NOL4L: variants seen among roughly 807,000 people sequenced by gnomAD.
NOL4L encodes the protein nucleolar protein 4 like.
NOL4L carries 7 observed loss-of-function variants against 64.5 expected under a neutral mutation model. The observed-to-expected ratio is 0.11, with a 90% CI of 0.06 to 0.20. The LOEUF is 0.20. Ranked by LOEUF, NOL4L falls within the 10% of genes least tolerant of loss-of-function variation. NOL4L has a pLI of 1.00. For synonymous variants in NOL4L, 413 were observed against 401.0 expected (o/e 1.03, Z -0.36); for missense variants, 680 against 967.1 (o/e 0.70, Z 3.94).
chr20:32,512,822 A>G (rs2017469622), intron 3 of NOL4L, among the ~76,000 whole-genome samples: 1 of 152,128 alleles, frequency 6.6e-6, no homozygotes, highest in Admixed American at 6.5e-5. Flanking sequence ...TTCTCTAACG[A>G]TTGGCTATTT....
chr20:32,552,137 C>CA (rs893671317), intron 1 of NOL4L, among the ~76,000 whole-genome samples: 8 of 151,658 alleles, frequency 5.3e-5, no homozygotes, highest in East Asian at 1.9e-4. Flanking sequence ...AATTATATCT[C>CA]AAAAAAATGC....
intron 4 of NOL4L, among the ~76,000 whole-genome samples, chr20:32,508,719 T>C (rs2017243317): frequency 6.6e-6 from 1 of 152,178 alleles, no homozygotes; most frequent in Non-Finnish European, 1.5e-5. Context: ...CCAGCTGGAC[T>C]CCCAGAACAC....
At position 32,454,690 on chromosome 20, in the gene NOL4L, A is replaced by C. The variant is rs145063606; in HGVS notation, c.1120-929T>G. ...AAGTTTGTGCCTTCGATGTGTCCTA[A>C]GTACTCGTTCAGATCGTGACTGACA... On this transcript the variant is annotated intron_variant, in intron 6 of 10. Transcript: ENST00000621426. Among the ~76,000 whole-genome samples, 1,443 of 152,326 alleles carry C rather than the reference A, an allele frequency of 9.5e-3. 29 individuals are homozygous for C. Among genetic ancestry groups the C allele is most frequent in the African/African-American group, 0.033 (1,380 of 41,570 alleles).
rs543768294 is a variant in NOL4L, at chr20:32,490,144, A to AAAACAC, written c.700-15403_700-15402insGTGTTT. Among the ~76,000 whole-genome samples the AAAACAC allele has an allele frequency of 1.8e-4, 22 of 122,184 alleles. 3 individuals are homozygous for AAAACAC. The East Asian group carries it at 6.5e-3, about 36-fold the overall frequency. The allele number at this position is 122,184 out of a possible 152,430, so 80.2% of individuals were successfully genotyped here. On this transcript the variant is annotated intron_variant, in intron 4 of 10. Coordinates refer to ENST00000621426, the MANE Select transcript of NOL4L (RefSeq NM_001256798.2). The stretch of plus-strand genomic sequence containing the variant: ...ACTCCATCTCAAAAAAAAAAAAAAA[A>AAAACAC]ATATATATACACATATATATATGTA...
At chr20:32,528,354 A>C (rs935266549) in intron 1 of NOL4L, among the ~76,000 whole-genome samples, 1 of 152,150 alleles carries the variant, frequency 6.6e-6, no homozygotes, top group Non-Finnish European at 1.5e-5. Flanking sequence ...TCCCGGGGGA[A>C]CAGCTCCGAT....
chr20:32,471,849 G>A (rs556296890), intron 5 of NOL4L, among the ~76,000 whole-genome samples: 4 of 152,238 alleles, frequency 2.6e-5, no homozygotes, highest in African/African-American at 7.2e-5. Flanking sequence ...CATGAGACAT[G>A]CCTGCTCCCC....
At chr20:32,452,554 C>T (rs1018938995) in intron 9 of NOL4L, 117 bp from the exon 10 acceptor site, 10 of 982,542 alleles carry the variant, frequency 1.0e-5, no homozygotes, top group East Asian at 8.0e-5. Context: ...CCCAATGCTG[C>T]GGTTTGACCT....
Position 32,447,246 on chromosome 20 carries a change from G to A in NOL4L, c.*350C>T. ...ATTCTGCTCACCTAAGACTTGAAAG[G>A]TAATTATCTGGGGGTGGGATTCTAA... On this transcript the variant is annotated 3_prime_UTR_variant, in exon 11 of 11. Transcript: ENST00000621426. 3 of 519,978 alleles carry A rather than the reference G, an allele frequency of 5.8e-6. No homozygotes were observed. The highest frequency in any genetic ancestry group is 4.6e-5 in the South Asian group (3 of 65,140). 32.2% of individuals were successfully genotyped at this position (519,978 alleles called of 1,614,324 possible). A position where few individuals can be genotyped will look rare whatever the true frequency, so the allele number is the denominator to read the frequency against.
intron 4 of NOL4L, among the ~76,000 whole-genome samples, chr20:32,503,062 G>T (rs887188612): frequency 6.6e-6 from 1 of 152,188 alleles, no homozygotes; most frequent in African/African-American, 2.4e-5. Flanking sequence ...AGCTCACAGC[G>T]GCTTCTCCAA....
chr20:32,584,560 G>A lies in NOL4L; in HGVS notation c.321+10C>T. The stretch of plus-strand genomic sequence containing the variant: ...CGGGACCCGCCCGCGGCCGCCGCGC[G>A]CGCACTCACCGAGCCCGTCTTGACC... On this transcript the variant is annotated intron_variant, in intron 1 of 10. Transcript: ENST00000621426. The A allele has an allele frequency of 7.9e-7, 1 of 1,262,574 alleles. No homozygotes were observed. Among genetic ancestry groups the A allele is most frequent in the Non-Finnish European group, 1.0e-6 (1 of 989,304 alleles). 78.2% of individuals were successfully genotyped at this position (1,262,574 alleles called of 1,614,324 possible).
intron 4 of NOL4L, among the ~76,000 whole-genome samples, chr20:32,485,095 A>C (rs1264770473): frequency 2.7e-5 from 4 of 149,988 alleles, no homozygotes; most frequent in Non-Finnish European, 4.4e-5. Context: ...AAACAACTAA[A>C]AAAAAACCCT....
intron 1 of NOL4L, among the ~76,000 whole-genome samples, chr20:32,546,237 C>T (rs542483302): frequency 1.3e-4 from 20 of 151,864 alleles, no homozygotes; most frequent in East Asian, 7.8e-4. Context: ...TGAGCCAGTG[C>T]GCCCAGCTTT....
intron 5 of NOL4L, among the ~76,000 whole-genome samples, chr20:32,461,965 T>C (rs1335031543): frequency 6.6e-6 from 1 of 151,580 alleles, no homozygotes; most frequent in Non-Finnish European, 1.5e-5. Flanking sequence ...GGCAACTGAG[T>C]CTTCCTGGGC....
intron 1 of NOL4L, among the ~76,000 whole-genome samples, chr20:32,550,477 G>A (rs899880763): frequency 1.3e-5 from 2 of 152,246 alleles, no homozygotes; most frequent in Admixed American, 6.5e-5. Context: ...CAGGCGTGGT[G>A]GCTCACGCCT....
rs1433419590 is a variant in NOL4L at position 32,456,222 on chromosome 20, G to C, written c.1015C>G (p.Leu339Val). 1 of 1,609,148 alleles carries C rather than the reference G, an allele frequency of 6.2e-7. No homozygotes were observed. Among genetic ancestry groups the C allele is most frequent in the East Asian group, 2.3e-5 (1 of 44,420 alleles). ...EDQPINLCDK[L>V]PPATALGTAS... The stretch of plus-strand genomic sequence containing the variant: ...GTGCCAAGTGCCGTGGCCGGCGGGA[G>C]CTTGTCACACAGGTTGATGGGCTGA... Residue 339 changes from leucine (L) to valine (V), a missense_variant, in exon 6 of 11, where the codon CTC becomes GTC. Leu to Val is a conservative substitution (Grantham distance 32, BLOSUM62 1). Around this residue, in one of 4 missense-constraint regions of NOL4L, gnomAD observed 254 missense variants for 238.7 expected, o/e 1.06. Transcript: ENST00000621426.
In NOL4L at chr20:32,452,998, G is replaced by C; in HGVS notation, c.1506C>G (p.Pro502=). ...TGGCCGAGGTCAGATGGGGTGGCGT[G>C]GGTCTGGTCTGCAGGCAGAACGGGG... The part of the protein sequence containing the change: ...MKKNGMEMTR[P]TPPHLTSAMA... Residue 502 remains proline (P), a synonymous_variant, in exon 9 of 11, where the codon CCC becomes CCG. Coordinates refer to ENST00000621426, the MANE Select transcript of NOL4L (RefSeq NM_001256798.2). 6.2e-7 allele frequency: 1 copy of C among 1,613,518 alleles called. No individual in the cohort carries two copies.
intron 4 of NOL4L, among the ~76,000 whole-genome samples, chr20:32,492,608 A>G (rs999040966): frequency 6.6e-6 from 1 of 152,220 alleles, no homozygotes; most frequent in Non-Finnish European, 1.5e-5. Flanking sequence ...ACAGCAAGCC[A>G]GGTCAGCTTC....
rs2012294015 is a variant in NOL4L at position 32,445,579 on chromosome 20, A to T, written c.*2017T>A. 6.6e-6 allele frequency: 1 copy of T among 152,238 alleles called. No individual in the cohort carries two copies. The highest frequency in any genetic ancestry group is 2.1e-4 in the South Asian group (1 of 4,832). 9.4% of individuals were successfully genotyped at this position (152,238 alleles called of 1,614,324 possible). Reference sequence around the variant, plus strand: ...AATATTTACACGAATTCAAATGTTGAGTAGTACTGAGCAGGTGGGGCCAGA... The same window carrying T: ...AATATTTACACGAATTCAAATGTTGTGTAGTACTGAGCAGGTGGGGCCAGA... On this transcript the variant is annotated 3_prime_UTR_variant, in exon 11 of 11. Transcript: ENST00000621426.
At position 32,453,764 on chromosome 20, in the gene NOL4L, A is replaced by G. The variant is rs1229890118; in HGVS notation, c.1120-3T>C. On this transcript the variant is annotated splice_polypyrimidine_tract_variant and splice_region_variant and intron_variant, in intron 6 of 10. Transcript: ENST00000621426. The surrounding 1 kb of genome is among the most constrained non-coding windows in gnomAD (Gnocchi z 5.6). ...CTCCCAGAGCTGTAGGGGGGGGACTAAAAGGAGGGCAAGAGGCAGAGGGTT... is the reference window on the plus strand; with the variant it reads ...CTCCCAGAGCTGTAGGGGGGGGACTGAAAGGAGGGCAAGAGGCAGAGGGTT... 1.9e-6 allele frequency: 3 copies of G among 1,552,306 alleles called. No individual in the cohort carries two copies. Among genetic ancestry groups the G allele is most frequent in the Admixed American group, 2.0e-5 (1 of 51,024 alleles).
Sources: allele counts gnomAD v4.1 joint callset (sites outside exome capture counted in the v4.1 genomes callset), GRCh38; gene constraint gnomAD v4.1.1; regional missense constraint gnomAD v4.1.1; non-coding constraint Gnocchi (gnomAD v3.1); transcripts MANE v1.5; gene names NCBI Gene and HGNC (gene_info 2026-07-23, HGNC 2026-07-21).